Variants in EXT2 observed in about 807,000 individuals in gnomAD.
EXT2 encodes exostosin glycosyltransferase 2, also known as exostosin-2.
EXT2 carries 53 observed loss-of-function variants against 81.6 expected under a neutral mutation model. The ratio of observed to expected loss-of-function variants is 0.65; its 90% CI spans 0.52 to 0.82. The LOEUF (loss-of-function observed/expected upper bound fraction) is 0.82. EXT2 is among the 40% of genes least tolerant of loss of function. The pLI is 0.00. For missense variants in EXT2, 774 were observed against 910.2 expected, an observed-to-expected ratio of 0.85 and a Z score of 1.93; for synonymous variants, 320 against 340.0, an observed-to-expected ratio of 0.94 and a Z score of 0.65.
chr11:44,198,044 G>A, intron 9 of EXT2, 26 bp downstream of exon 9: 1 of 1,613,234 alleles, frequency 6.2e-7, no homozygotes, highest in Non-Finnish European at 8.5e-7. Flanking sequence ...GCCTCTCTCA[G>A]CTGGATCAAT....
chr11:44,213,329 C>G (rs1370760299), intron 10 of EXT2, among the ~76,000 whole-genome samples: 3 of 152,064 alleles, frequency 2.0e-5, no homozygotes, highest in Non-Finnish European at 4.4e-5. Context: ...TCAGAATGTT[C>G]CAAAATTACT....
intron 5 of EXT2, among the ~76,000 whole-genome samples, chr11:44,125,301 C>T (rs1808744754): frequency 6.6e-6 from 1 of 152,122 alleles, no homozygotes; most frequent in Non-Finnish European, 1.5e-5. Flanking sequence ...TGCTTTTACC[C>T]CCATATTCAT....
At chr11:44,235,798 C>T (rs778456319) in intron 12 of EXT2, among the ~76,000 whole-genome samples, 20 of 152,136 alleles carry the variant, frequency 1.3e-4, no homozygotes, top group Admixed American at 6.5e-4. Context: ...GTATGAGGGA[C>T]GATTCAATTT....
chr11:44,247,082 G>C lies in EXT2; in HGVS notation c.*2795G>C, dbSNP rs984100928. 2.0e-5 allele frequency among the ~76,000 whole-genome samples: 3 copies of C among 152,176 alleles called. No individual in the cohort carries two copies. Among genetic ancestry groups the C allele is most frequent in the African/African-American group, 7.2e-5 (3 of 41,434 alleles). On this transcript the variant is annotated 3_prime_UTR_variant, in exon 14 of 14. Coordinates refer to ENST00000533608, the MANE Select transcript of EXT2 (RefSeq NM_207122.2). ...GCTGGAAATACTTTTTTATTTTGCT[G>C]ATTAACATTACATAGTTGTTAAAAT...
rs1393024469 is a variant in EXT2, at chr11:44,232,420, T to TG, written c.1731dup (p.Asn578GlufsTer2). The TG allele has an allele frequency of 6.2e-7, 1 of 1,614,046 alleles. No homozygotes were observed. ...CGTCTGCATCTCTGGGACCATGAGA[T>TG]GAATAAGTGGAAGTATGAGTCTGAG... On this transcript the variant is annotated frameshift_variant, in exon 11 of 14. Transcript: ENST00000533608. LOFTEE classifies it high-confidence loss of function.
chr11:44,207,905 T>A (rs549244590), intron 10 of EXT2, among the ~76,000 whole-genome samples: 2 of 152,176 alleles, frequency 1.3e-5, no homozygotes, highest in East Asian at 3.9e-4. Context: ...AAGCTCAAGT[T>A]TTCCTAGGTT....
At chr11:44,128,183 C>T (rs1718956303) in intron 6 of EXT2, among the ~76,000 whole-genome samples, 1 of 152,182 alleles carries the variant, frequency 6.6e-6, no homozygotes, top group Admixed American at 6.5e-5. Context: ...TGGAAACCCT[C>T]TTGTGAGTAA....
chr11:44,212,280 G>A (rs1163710112), intron 10 of EXT2, among the ~76,000 whole-genome samples: 6 of 146,294 alleles, frequency 4.1e-5, no homozygotes, highest in African/African-American at 7.8e-5. Flanking sequence ...GAGAGACTCC[G>A]TCTTAAAAAA....
At chr11:44,131,059 ACCT>A (rs1352745303) in intron 7 of EXT2, among the ~76,000 whole-genome samples, 3 of 152,046 alleles carry the variant, frequency 2.0e-5, no homozygotes, top group Non-Finnish European at 4.4e-5. Context: ...TTTCACTTTG[ACCT>A]CCTGCTTGAA....
At chr11:44,102,395 C>T (rs967431955) in intron 1 of EXT2, among the ~76,000 whole-genome samples, 3 of 152,046 alleles carry the variant, frequency 2.0e-5, no homozygotes, top group African/African-American at 7.3e-5. Context: ...CTGTTGCCCA[C>T]TGCAGTAACC....
At chr11:44,108,324 T>C (rs1565196834) in intron 2 of EXT2, 76 bp downstream of exon 2, 2 of 1,489,994 alleles carry the variant, frequency 1.3e-6, no homozygotes, top group Non-Finnish European at 1.8e-6. Flanking sequence ...AAGGGAAGGA[T>C]GGGAATGCTT....
At chr11:44,117,052 C>T (rs962612952) in intron 4 of EXT2, among the ~76,000 whole-genome samples, 1 of 151,770 alleles carries the variant, frequency 6.6e-6, no homozygotes, top group Admixed American at 6.6e-5. Flanking sequence ...TCACCAAAAC[C>T]TCCGCCTCCC....
At chr11:44,149,775 G>A (rs918636693) in intron 7 of EXT2, among the ~76,000 whole-genome samples, 1 of 152,138 alleles carries the variant, frequency 6.6e-6, no homozygotes, top group Non-Finnish European at 1.5e-5. Flanking sequence ...AATATGCTTC[G>A]AAATGGATGA....
intron 1 of EXT2, chr11:44,096,103 C>A: frequency 2.6e-6 from 2 of 759,452 alleles, no homozygotes; most frequent in Admixed American, 4.0e-5. Flanking sequence ...CTTTCAGCAT[C>A]TTGGTACCCA....
chr11:44,248,698 C>T lies in EXT2; in HGVS notation c.*4411C>T, dbSNP rs576485785. ...GGGCATTGTAAGCTCAAGCCACAGC[C>T]TCTTTTCCACCTCCATTAAATGGAC... On this transcript the variant is annotated 3_prime_UTR_variant, in exon 14 of 14. Transcript: ENST00000533608. 1.3e-4 allele frequency among the ~76,000 whole-genome samples: 20 copies of T among 152,284 alleles called. 1 individual carries two copies. The highest frequency in any genetic ancestry group is 4.6e-4 in the African/African-American group (19 of 41,562).
intron 8 of EXT2, among the ~76,000 whole-genome samples, 159 bp from the exon 9 acceptor site, chr11:44,197,670 C>A (rs1330809775): frequency 6.6e-6 from 1 of 152,132 alleles, no homozygotes; most frequent in African/African-American, 2.4e-5. Context: ...TTAGTCCATG[C>A]AAATTTTGAG....
rs182419761 is a variant in EXT2 at position 44,207,137 on chromosome 11, G to A, written c.1662+178G>A. Among the ~76,000 whole-genome samples the A allele has an allele frequency of 1.9e-3, 284 of 152,338 alleles. 1 individual carries two copies. Among genetic ancestry groups the A allele is most frequent in the Non-Finnish European group, 2.9e-3 (198 of 68,030 alleles). On this transcript the variant is annotated intron_variant, in intron 10 of 13. Transcript: ENST00000533608. ...TTATGAAGCTGTTCTTTGAAGCACT[G>A]GAGAAACCCTATTCCAAAATGGCAA...
Position 44,119,147 on chromosome 11 carries a change from T to TAC in EXT2, c.743+4847_743+4848insCA, listed in dbSNP as rs1565201182. ...ATTTATATATATATATATATATATATATATATATATATATATATATATACA... is the reference window on the plus strand; with the variant it reads ...ATTTATATATATATATATATATATATACATATATATATATATATATATATACA... On this transcript the variant is annotated intron_variant, in intron 4 of 13. Coordinates refer to ENST00000533608, the MANE Select transcript of EXT2 (RefSeq NM_207122.2). Among the ~76,000 whole-genome samples, 39 of 49,404 alleles carry TAC rather than the reference T, an allele frequency of 7.9e-4. 1 individual carries two copies. Among genetic ancestry groups the TAC allele is most frequent in the Non-Finnish European group, 1.2e-3 (27 of 22,426 alleles). The allele number at this position is 49,404 out of a possible 152,430, so 32.4% of individuals were successfully genotyped here. A position where few individuals can be genotyped will look rare whatever the true frequency, so the allele number is the denominator to read the frequency against.
chr11:44,117,945 G>T (rs1238612651), intron 4 of EXT2, among the ~76,000 whole-genome samples: 1 of 152,064 alleles, frequency 6.6e-6, no homozygotes, highest in Non-Finnish European at 1.5e-5. Flanking sequence ...ATAGAGATGG[G>T]TTCTTGTGAT....
Sources: gnomAD v4.1 joint callset for allele counts (sites outside exome capture counted in the v4.1 genomes callset) on GRCh38, gnomAD v4.1.1 for gene constraint, MANE v1.5 for transcripts, NCBI Gene and HGNC (gene_info 2026-07-23, HGNC 2026-07-21) for gene names.